The following DGKB variants were observed in gnomAD, a reference collection of about 807,000 sequenced individuals.
DGKB encodes 90 kDa diacylglycerol kinase.
Under a neutral mutation model 114.3 loss-of-function variants are expected in DGKB, and 67 were observed. The ratio of observed to expected loss-of-function variants is 0.59; its 90% confidence interval spans 0.48 to 0.72. The LOEUF (loss-of-function observed/expected upper bound fraction) is 0.72. Among genes scored for constraint, DGKB ranks in the 30% least tolerant of loss-of-function variants. The pLI is 0.00. For missense variants in DGKB, 907 were observed against 975.2 expected (o/e 0.93, Z 0.93); for synonymous variants, 398 against 323.1 (o/e 1.23, Z -2.49).
chr7:14,176,801 C>A lies in DGKB; in HGVS notation c.2304+38G>T, dbSNP rs1268328007. On this transcript the variant is annotated intron_variant, in intron 25 of 25. Coordinates refer to ENST00000402815, the MANE Select transcript of DGKB (RefSeq NM_001350709.2). The stretch of plus-strand genomic sequence containing the variant: ...TATTTAGTCAAAGAGGAAAGCAAAA[C>A]TGAGATTGACATAGCATATCAACTA... 4 of 1,582,430 alleles carry A rather than the reference C, an allele frequency of 2.5e-6. No homozygotes were observed. In the Middle Eastern group the frequency reaches 5.0e-4, roughly 200 times the overall value.
chr7:14,793,227 T>C lies in DGKB; in HGVS notation c.71-35496A>G, dbSNP rs986255202. On this transcript the variant is annotated intron_variant, in intron 2 of 25. Coordinates refer to ENST00000402815, the MANE Select transcript of DGKB (RefSeq NM_001350709.2). ...TACTGACATTATTCTCATAGAAGAC[T>C]ATTAGAAATGCATTCTGTAAGATAG... Among the ~76,000 whole-genome samples the C allele has an allele frequency of 2.6e-4, 39 of 152,152 alleles. 1 individual carries two copies. The highest frequency in any genetic ancestry group is 5.0e-4 in the Non-Finnish European group (34 of 68,020).
intron 2 of DGKB, among the ~76,000 whole-genome samples, chr7:14,820,857 T>C (rs1221733220): frequency 2.6e-5 from 4 of 152,252 alleles, no homozygotes; most frequent in South Asian, 4.1e-4. Context: ...GGCTCGGTAA[T>C]TAAATCAAGC....
chr7:14,661,769 G>A (rs980589007), intron 13 of DGKB, among the ~76,000 whole-genome samples: 12 of 151,560 alleles, frequency 7.9e-5, no homozygotes, highest in African/African-American at 2.4e-5. Context: ...TGTTTATTGC[G>A]GCATTATTCA....
chr7:14,201,069 G>A (rs1025823251), intron 23 of DGKB, among the ~76,000 whole-genome samples: 12 of 151,996 alleles, frequency 7.9e-5, no homozygotes, highest in Middle Eastern at 3.4e-3. Context: ...AAACTGGATC[G>A]CATATAAACA....
At chr7:14,681,958 G>A (rs1031138090) in intron 12 of DGKB, among the ~76,000 whole-genome samples, 1 of 152,082 alleles carries the variant, frequency 6.6e-6, no homozygotes, top group African/African-American at 2.4e-5. Flanking sequence ...TATGTTGGAA[G>A]AAGCGTAAGA....
intron 17 of DGKB, among the ~76,000 whole-genome samples, chr7:14,594,181 G>A (rs1010124665): frequency 3.9e-5 from 6 of 152,020 alleles, no homozygotes; most frequent in African/African-American, 1.4e-4. Flanking sequence ...TCTCTCATCT[G>A]TAAGTGTGTT....
intron 12 of DGKB, among the ~76,000 whole-genome samples, chr7:14,679,793 A>G (rs138752738): frequency 1.4e-3 from 218 of 152,168 alleles, no homozygotes; most frequent in African/African-American, 5.0e-3. Flanking sequence ...TTATGCTGAA[A>G]TTTTCATGCA....
chr7:14,216,867 T>G (rs1020704424), intron 23 of DGKB, among the ~76,000 whole-genome samples: 1 of 152,114 alleles, frequency 6.6e-6, no homozygotes, highest in Admixed American at 6.6e-5. Flanking sequence ...ACCAATGTGT[T>G]GGTAATCACT....
At chr7:14,887,296 T>C (rs1211314491) in intron 1 of DGKB, among the ~76,000 whole-genome samples, 9 of 151,830 alleles carry the variant, frequency 5.9e-5, no homozygotes, top group Non-Finnish European at 1.3e-4. Context: ...CAGCAACAAT[T>C]GACACAGCTC....
chr7:14,965,190 G>C (rs1319880344), intron 1 of DGKB, among the ~76,000 whole-genome samples: 1 of 152,084 alleles, frequency 6.6e-6, no homozygotes, highest in Non-Finnish European at 1.5e-5. Flanking sequence ...CCTAGAAGCA[G>C]TAGGTTATAT....
In DGKB at chr7:14,146,544, A is replaced by G. The variant is rs1781496481; in HGVS notation, c.*2587T>C. 1 of 152,136 alleles carries G rather than the reference A, an allele frequency of 6.6e-6. No homozygotes were observed. The highest frequency in any genetic ancestry group is 2.4e-5 in the African/African-American group (1 of 41,436). The allele number at this position is 152,136 out of a possible 1,614,324, so 9.4% of individuals were successfully genotyped here. A position where few individuals can be genotyped will look rare whatever the true frequency, so the allele number is the denominator to read the frequency against. On this transcript the variant is annotated 3_prime_UTR_variant, in exon 26 of 26. Coordinates refer to ENST00000402815, the MANE Select transcript of DGKB (RefSeq NM_001350709.2). ...ATTCAATATTTTAATATACTATAGA[A>G]TTTTCCTTAAACTATATATTTTTCA... is the stretch of plus-strand genomic sequence containing the variant.
chr7:14,291,116 T>C (rs1243369819), intron 23 of DGKB, among the ~76,000 whole-genome samples: 1 of 116,540 alleles, frequency 8.6e-6, no homozygotes, highest in Non-Finnish European at 1.6e-5. Flanking sequence ...CACTCCAGCC[T>C]ATGCAACAAA....
chr7:14,157,227 CCTT>C (rs1196020605), intron 25 of DGKB, among the ~76,000 whole-genome samples: 2 of 152,080 alleles, frequency 1.3e-5, no homozygotes, highest in South Asian at 2.1e-4. Context: ...AAGATTGTCT[CCTT>C]CTAATAATGG....
At chr7:14,667,442 AT>A (rs1818236827) in intron 13 of DGKB, among the ~76,000 whole-genome samples, 1 of 151,990 alleles carries the variant, frequency 6.6e-6, no homozygotes, top group African/African-American at 2.4e-5. Flanking sequence ...GTTCTCTAAT[AT>A]TTTTTATAAT....
intron 21 of DGKB, among the ~76,000 whole-genome samples, chr7:14,445,475 G>A (rs1830605042): frequency 6.6e-6 from 1 of 151,686 alleles, no homozygotes; most frequent in Non-Finnish European, 1.5e-5. Flanking sequence ...CTTTTTATTT[G>A]CCTAAATTAT....
chr7:14,210,932 C>A (rs189650554), intron 23 of DGKB, among the ~76,000 whole-genome samples: 2 of 152,170 alleles, frequency 1.3e-5, no homozygotes, highest in East Asian at 1.9e-4. Context: ...TGCACTCCCC[C>A]TCTCCACTGT....
intron 20 of DGKB, among the ~76,000 whole-genome samples, chr7:14,498,057 G>A (rs550890081): frequency 2.5e-4 from 38 of 151,848 alleles, no homozygotes; most frequent in Middle Eastern, 3.4e-3. Context: ...AATACATGGG[G>A]AATATCCATG....
At chr7:14,517,020 A>G (rs968006745) in intron 20 of DGKB, among the ~76,000 whole-genome samples, 1 of 152,214 alleles carries the variant, frequency 6.6e-6, no homozygotes, top group African/African-American at 2.4e-5. Context: ...CAAAAGGAAC[A>G]AAGCTGGAGG....
chr7:14,519,968 G>A lies in DGKB; in HGVS notation c.1771-41743C>T, dbSNP rs146234386. On this transcript the variant is annotated intron_variant, in intron 20 of 25. Transcript: ENST00000402815. ...GGTTCAAGTCCTTTATCAGATATAT[G>A]ATTTACAAATACTTTTCCACTCTGG... Among the ~76,000 whole-genome samples, 101 of 151,776 alleles carry A rather than the reference G, an allele frequency of 6.7e-4. 1 individual carries two copies. In the East Asian group the frequency reaches 0.015, roughly 23 times the overall value.
Sources: gnomAD v4.1 joint callset for allele counts (sites outside exome capture counted in the v4.1 genomes callset) on GRCh38, gnomAD v4.1.1 for gene constraint, MANE v1.5 for transcripts, NCBI Gene and HGNC (gene_info 2026-07-23, HGNC 2026-07-21) for gene names.